MCC: variants seen among roughly 807,000 people sequenced by gnomAD.
MCC encodes the protein colorectal mutant cancer protein.
Under a neutral mutation model 116.2 loss-of-function variants are expected in MCC, and 90 were observed. That is an observed-to-expected ratio of 0.77 (90% CI 0.65 to 0.92). MCC has a LOEUF of 0.92. Ranked by LOEUF, MCC falls within the 40% of genes least tolerant of loss-of-function variation. MCC has a pLI of 0.00. For missense variants in MCC, 1,516 were observed against 1,312.2 expected (o/e 1.16, Z -2.40); for synonymous variants, 578 against 510.5 (o/e 1.13, Z -1.78).
chr5:113,327,170 G>A (rs562344082), intron 3 of MCC, among the ~76,000 whole-genome samples: 3 of 152,188 alleles, frequency 2.0e-5, no homozygotes, highest in African/African-American at 7.2e-5. Context: ...GATCTCTAGA[G>A]GACAGAAGTA....
In MCC at chr5:113,434,660, T is replaced by A. The variant is rs1580371446; in HGVS notation, c.171-49448A>T. ...GGTTTAACATGGCCAGAATCTCAAT[T>A]TCCCGGGGAAGGAATTTCTCCAAGA... On this transcript the variant is annotated intron_variant, in intron 1 of 18. Transcript: ENST00000408903. This position sits in a 1 kb window ranked among gnomAD's most constrained non-coding sequence, Gnocchi z 4.2. The A allele has an allele frequency of 6.2e-7, 1 of 1,613,932 alleles. No individual in the cohort carries two copies. The highest frequency in any genetic ancestry group is 8.5e-7 in the Non-Finnish European group (1 of 1,179,882).
chr5:113,423,685 G>C (rs1004508749), intron 1 of MCC, among the ~76,000 whole-genome samples: 3 of 152,152 alleles, frequency 2.0e-5, no homozygotes, highest in Non-Finnish European at 4.4e-5. Context: ...GTGAATGCAG[G>C]TGACGTTCAT....
At chr5:113,407,923 CTT>C (rs1487480025) in intron 1 of MCC, among the ~76,000 whole-genome samples, 1 of 152,148 alleles carries the variant, frequency 6.6e-6, no homozygotes, top group African/African-American at 2.4e-5. Flanking sequence ...GAAATGAAAA[CTT>C]AGCCCAGACA....
chr5:113,467,300 G>C (rs1455077671), intron 1 of MCC, among the ~76,000 whole-genome samples: 6 of 149,168 alleles, frequency 4.0e-5, no homozygotes, highest in African/African-American at 1.5e-4. Context: ...TTTTCTTCTA[G>C]GGTTTTTATG....
At chr5:113,166,771 A>G (rs1760797313) in intron 3 of MCC, among the ~76,000 whole-genome samples, 1 of 152,022 alleles carries the variant, frequency 6.6e-6, no homozygotes. Flanking sequence ...TCTCAGAAAA[A>G]TATCACAAAT....
At chr5:113,251,957 C>G (rs1764819812) in intron 3 of MCC, among the ~76,000 whole-genome samples, 2 of 152,254 alleles carry the variant, frequency 1.3e-5, no homozygotes, top group South Asian at 4.1e-4. Flanking sequence ...GTTTCAAGAC[C>G]TTAAAAGAGA....
chr5:113,202,886 C>T (rs1212067722), intron 3 of MCC, among the ~76,000 whole-genome samples: 1 of 151,984 alleles, frequency 6.6e-6, no homozygotes, highest in Non-Finnish European at 1.5e-5. Context: ...TATTCTCAAC[C>T]CTGTTTTTCA....
In MCC at chr5:113,488,298, C is replaced by T. The variant is rs964992359; in HGVS notation, c.117G>A (p.Arg39=). ...CGCACGTCTGGAAGAGGCGCCGCAT[C>T]CTCTCCTCCTCGCCGGTGCTGGACG... ...SDTSSTGEEE[R]MRRLFQTCDG... The change falls in exon 1 of 19, where the codon AGG becomes AGA. Residue 39 remains arginine, a synonymous_variant. Coordinates refer to ENST00000408903, the MANE Select transcript of MCC (RefSeq NM_001085377.2). The T allele has an allele frequency of 1.3e-6, 2 of 1,594,952 alleles. No individual in the cohort carries two copies. The highest frequency in any genetic ancestry group is 1.4e-5 in the African/African-American group (1 of 72,304).
chr5:113,465,163 A>G (rs1442056868), intron 1 of MCC, among the ~76,000 whole-genome samples: 2 of 151,608 alleles, frequency 1.3e-5, no homozygotes, highest in African/African-American at 2.4e-5. Flanking sequence ...AAACCATGTT[A>G]TAAAGCAACA....
intron 5 of MCC, among the ~76,000 whole-genome samples, chr5:113,124,448 C>T (rs544576743): frequency 2.6e-5 from 4 of 152,230 alleles, no homozygotes; most frequent in African/African-American, 7.2e-5. Flanking sequence ...TTGGCTCAGC[C>T]GAGACTTTTT....
In MCC at chr5:113,101,878, C is replaced by T. The variant is rs754040244; in HGVS notation, c.1259G>A (p.Arg420Gln). The T allele has an allele frequency of 2.6e-5, 42 of 1,613,840 alleles. No homozygotes were observed. The highest frequency in any genetic ancestry group is 2.2e-5 in the East Asian group (1 of 44,888). Residue 420 changes from arginine to glutamine, a missense_variant, in exon 8 of 19, where the codon CGG (arginine) becomes CAG (glutamine). Coordinates refer to ENST00000408903, the MANE Select transcript of MCC (RefSeq NM_001085377.2). ...LYPNLAEERS[R>Q]WEKELAGLRE... Reference sequence around the variant, plus strand: ...CAGCCCAGCCAGCTCCTTCTCCCACCGAGACCTCTCTTCAGCCAGGTTGGG... The same window carrying T: ...CAGCCCAGCCAGCTCCTTCTCCCACTGAGACCTCTCTTCAGCCAGGTTGGG...
chr5:113,273,005 G>A (rs1358352184), intron 3 of MCC, among the ~76,000 whole-genome samples: 3 of 152,194 alleles, frequency 2.0e-5, no homozygotes, highest in Non-Finnish European at 4.4e-5. Flanking sequence ...ACAAGAAAGA[G>A]TTTAAAGAAG....
chr5:113,031,874 C>A (rs1054019500), intron 17 of MCC, among the ~76,000 whole-genome samples: 4 of 152,130 alleles, frequency 2.6e-5, no homozygotes, highest in Admixed American at 6.5e-5. Flanking sequence ...CAGGCCAACC[C>A]CAGCTTAGGG....
intron 5 of MCC, among the ~76,000 whole-genome samples, chr5:113,140,755 A>G (rs1310606957): frequency 2.6e-5 from 4 of 152,206 alleles, no homozygotes; most frequent in Admixed American, 2.0e-4. Flanking sequence ...AGTGACACCA[A>G]AGTCTACAAT....
intron 1 of MCC, among the ~76,000 whole-genome samples, chr5:113,432,199 T>C (rs1305072967): frequency 2.6e-5 from 4 of 150,950 alleles, no homozygotes; most frequent in African/African-American, 9.8e-5. Context: ...GTGCCTGTAA[T>C]CCCAGCTACT....
At chr5:113,224,984 C>A (rs1276549870) in intron 3 of MCC, among the ~76,000 whole-genome samples, 3 of 152,128 alleles carry the variant, frequency 2.0e-5, no homozygotes, top group Non-Finnish European at 2.9e-5. Flanking sequence ...TGACCCTGTT[C>A]CTAGTTGATC....
chr5:113,043,079 G>T (rs1751830840), intron 17 of MCC, among the ~76,000 whole-genome samples: 1 of 152,140 alleles, frequency 6.6e-6, no homozygotes, highest in Admixed American at 6.5e-5. Context: ...AAAGAACTGG[G>T]GGGCGGTGAG....
intron 1 of MCC, among the ~76,000 whole-genome samples, chr5:113,473,631 T>G (rs1772154658): frequency 6.6e-6 from 1 of 152,228 alleles, no homozygotes; most frequent in Admixed American, 6.5e-5. Context: ...TGAGTAGTTT[T>G]TAGGTTTACT....
chr5:113,227,698 GCAA>G (rs895451484), intron 3 of MCC, among the ~76,000 whole-genome samples: 5 of 152,190 alleles, frequency 3.3e-5, no homozygotes, highest in African/African-American at 1.2e-4. Flanking sequence ...TTTTTCATAA[GCAA>G]GATCCAAATC....
Sources: allele counts gnomAD v4.1 joint callset (sites outside exome capture counted in the v4.1 genomes callset), GRCh38; gene constraint gnomAD v4.1.1; non-coding constraint Gnocchi (gnomAD v3.1); transcripts MANE v1.5; gene names NCBI Gene and HGNC (gene_info 2026-07-23, HGNC 2026-07-21).